The following ARHGDIG variants were observed in gnomAD, a reference collection of about 807,000 sequenced individuals.
The protein encoded by ARHGDIG is rho GDP-dissociation inhibitor 3.
ARHGDIG carries 14 observed loss-of-function variants against 20.2 expected under a neutral mutation model. That is an observed-to-expected ratio of 0.69 (90% confidence interval 0.46 to 1.08). The LOEUF (loss-of-function observed/expected upper bound fraction) is 1.08, where lower values mean the gene tolerates loss of function less well. Among genes scored for constraint, ARHGDIG ranks in the 50% least tolerant of loss-of-function variants. The probability of loss-of-function intolerance (pLI) is 0.00; values close to 1 mark genes in which losing one functional copy is unlikely to be tolerated. For missense variants in ARHGDIG, 311 were observed against 301.8 expected, an observed-to-expected ratio of 1.03 and a Z score of -0.23; for synonymous variants, 193 against 138.6, an observed-to-expected ratio of 1.39 and a Z score of -2.76.
intron 1 of ARHGDIG, 140 bp from the exon 2 acceptor site, chr16:281,606 C>T (rs1260860136): frequency 9.5e-6 from 10 of 1,050,332 alleles, no homozygotes; most frequent in Non-Finnish European, 1.3e-6. Context: ...TCTCTGCTCG[C>T]TCTCTCCCTG....
rs748524908 is a variant in ARHGDIG at position 281,785 on chromosome 16, A to G, written c.113A>G (p.Asp38Gly). Residue 38 changes from aspartate (D) to glycine (G), a missense_variant, in exon 2 of 6, where the codon GAC becomes GGC. Physicochemically the swap from Asp to Gly is moderately conservative, Grantham distance 94. Transcript: ENST00000219409. ...ADKEGGPPAVDEVLDEAVPEY... is the reference protein window; with the variant it reads ...ADKEGGPPAVGEVLDEAVPEY... Reference sequence around the variant, plus strand: ...AAGGAGGGTGGGCCGCCGGCAGTGGACGAGGTGTTGGATGAGGCTGTGCCC... The same window carrying G: ...AAGGAGGGTGGGCCGCCGGCAGTGGGCGAGGTGTTGGATGAGGCTGTGCCC... 6.2e-7 allele frequency: 1 copy of G among 1,609,340 alleles called. No individual in the cohort carries two copies. The highest frequency in any genetic ancestry group is 1.3e-5 in the African/African-American group (1 of 74,846).
In ARHGDIG at chr16:280,728, G is replaced by C. The variant is rs2052274537; in HGVS notation, c.48G>C (p.Leu16=). Residue 16 remains leucine (L), a synonymous_variant, in exon 1 of 6, where the codon CTG becomes CTC. Coordinates refer to ENST00000219409, the MANE Select transcript of ARHGDIG (RefSeq NM_001176.4). The surrounding 1 kb of genome is among the most constrained non-coding windows in gnomAD (Gnocchi z 6.6). The part of the protein sequence containing the change: ...ACELGAQLLE[L]LRLALCARVL... The stretch of plus-strand genomic sequence containing the variant: ...AGCTGGGGGCGCAGCTGCTGGAGCT[G>C]CTCCGGCTGGCGCTGTGCGCCCGAG... 1 of 1,296,100 alleles carries C rather than the reference G, an allele frequency of 7.7e-7. No homozygotes were observed. Among genetic ancestry groups the C allele is most frequent in the Non-Finnish European group, 9.8e-7 (1 of 1,017,796 alleles). The allele number at this position is 1,296,100 out of a possible 1,614,324, so 80.3% of individuals were successfully genotyped here. A position where few individuals can be genotyped will look rare whatever the true frequency, so the allele number is the denominator to read the frequency against.
chr16:282,201 C>G, intron 3 of ARHGDIG, 93 bp downstream of exon 3: 1 of 1,603,522 alleles, frequency 6.2e-7, no homozygotes, highest in Non-Finnish European at 8.5e-7. Context: ...CCATCACAGT[C>G]GCACACCTCA....
In ARHGDIG at chr16:282,954, C is replaced by G. The variant is rs1276710536; in HGVS notation, c.*140C>G. 7.0e-6 allele frequency: 6 copies of G among 860,466 alleles called. No individual in the cohort carries two copies. In the South Asian group the frequency reaches 1.1e-4, roughly 15 times the overall value. The allele number at this position is 860,466 out of a possible 1,614,324, so 53.3% of individuals were successfully genotyped here. ...TGCCCCTGCTCTGTCCCGGGACCCC[C>G]TGGCCTGGCGCTGTCCCCTGAGCTG... is the stretch of plus-strand genomic sequence containing the variant. On this transcript the variant is annotated 3_prime_UTR_variant, in exon 6 of 6. Coordinates refer to ENST00000219409, the MANE Select transcript of ARHGDIG (RefSeq NM_001176.4).
Position 280,764 on chromosome 16 carries a change from C to G in ARHGDIG, c.73+11C>G, listed in dbSNP as rs771050479. 2 of 1,270,136 alleles carry G rather than the reference C, an allele frequency of 1.6e-6. No homozygotes were observed. The highest frequency in any genetic ancestry group is 2.0e-6 in the Non-Finnish European group (2 of 1,007,494). 78.7% of individuals were successfully genotyped at this position (1,270,136 alleles called of 1,614,324 possible). ...CGCTGTGCGCCCGAGGTGAGCGGGC[C>G]GGGCAGGGGCGGGGGGCTCGGCTGG... On this transcript the variant is annotated intron_variant, in intron 1 of 5. Transcript: ENST00000219409. This position sits in a 1 kb window ranked among gnomAD's most constrained non-coding sequence, Gnocchi z 6.6.
At chr16:282,129 C>G in intron 3 of ARHGDIG, 21 bp downstream of exon 3, 1 of 1,612,592 alleles carries the variant, frequency 6.2e-7, no homozygotes, top group Non-Finnish European at 8.5e-7. Context: ...GGATGCTGCA[C>G]CCTGAACACA....
At chr16:282,164 C>G (rs1481190016) in intron 3 of ARHGDIG, 56 bp downstream of exon 3, 3 of 1,609,292 alleles carry the variant, frequency 1.9e-6, no homozygotes, top group Non-Finnish European at 2.5e-6. Context: ...AGGCACGCTT[C>G]TGCACCCCTG....
chr16:282,567 G>GGGAAGGGGGGGGGGGGGGA, intron 5 of ARHGDIG, 37 bp downstream of exon 5: 5 of 957,416 alleles, frequency 5.2e-6, no homozygotes, highest in Admixed American at 4.8e-5. Flanking sequence ...GCGGGGGGGG[G>GGGAAGGGGGGGGGGGGGGA]AAGCGGGGGC....
At position 280,968 on chromosome 16, in the gene ARHGDIG, G is replaced by T. The variant is rs1244732053; in HGVS notation, c.73+215G>T. On this transcript the variant is annotated intron_variant, in intron 1 of 5. Transcript: ENST00000219409. This position sits in a 1 kb window ranked among gnomAD's most constrained non-coding sequence, Gnocchi z 6.6. ...GGTCGGCTTGGGAAGCGGCGGCGCTGGGACCCTCTCCCCCTGGACACCGCC... is the reference window on the plus strand; with the variant it reads ...GGTCGGCTTGGGAAGCGGCGGCGCTTGGACCCTCTCCCCCTGGACACCGCC... 1 of 239,664 alleles carries T rather than the reference G, an allele frequency of 4.2e-6. No individual in the cohort carries two copies. Among genetic ancestry groups the T allele is most frequent in the Non-Finnish European group, 8.5e-6 (1 of 118,240 alleles). 14.8% of individuals were successfully genotyped at this position (239,664 alleles called of 1,614,324 possible).
chr16:281,641 C>G, intron 1 of ARHGDIG, 105 bp from the exon 2 acceptor site: 1 of 1,302,946 alleles, frequency 7.7e-7, no homozygotes, highest in Non-Finnish European at 1.0e-6. Flanking sequence ...TCCCTTGAGT[C>G]CCTTTGGATA....
chr16:282,567 G>GGAAGGGGGGGGGGGGGGGA, intron 5 of ARHGDIG, 37 bp downstream of exon 5: 1 of 957,428 alleles, frequency 1.0e-6, no homozygotes, highest in Non-Finnish European at 1.5e-6. Context: ...GCGGGGGGGG[G>GGAAGGGGGGGGGGGGGGGA]AAGCGGGGGC....
Position 282,053 on chromosome 16 carries a change from C to T in ARHGDIG, c.282C>T (p.Thr94=). 6.2e-7 allele frequency: 1 copy of T among 1,612,732 alleles called. No homozygotes were observed. The highest frequency in any genetic ancestry group is 2.2e-5 in the East Asian group (1 of 44,862). Residue 94 remains threonine (T), a synonymous_variant, in exon 3 of 6, where the codon ACC becomes ACT. Coordinates refer to ENST00000219409, the MANE Select transcript of ARHGDIG (RefSeq NM_001176.4). Reference sequence around the variant, plus strand: ...CAAGCCTGCCCAATGTGCAGGTGACCAGGCTGACACTCCTGTCGGAACAGG... The same window carrying T: ...CAAGCCTGCCCAATGTGCAGGTGACTAGGCTGACACTCCTGTCGGAACAGG... ...VDPSLPNVQV[T]RLTLLSEQAP...
rs1379855145 is a variant in ARHGDIG, at chr16:280,783, C to T, written c.73+30C>T. Reference sequence around the variant, plus strand: ...GCGGGCCGGGCAGGGGCGGGGGGCTCGGCTGGTCTCAGCCCCGGGCGGGGA... The same window carrying T: ...GCGGGCCGGGCAGGGGCGGGGGGCTTGGCTGGTCTCAGCCCCGGGCGGGGA... On this transcript the variant is annotated intron_variant, in intron 1 of 5. Coordinates refer to ENST00000219409, the MANE Select transcript of ARHGDIG (RefSeq NM_001176.4). This position sits in a 1 kb window ranked among gnomAD's most constrained non-coding sequence, Gnocchi z 6.6. 4.8e-6 allele frequency: 6 copies of T among 1,249,772 alleles called. No homozygotes were observed. The East Asian group carries it at 1.7e-4, about 36-fold the overall frequency. The allele number at this position is 1,249,772 out of a possible 1,614,324, so 77.4% of individuals were successfully genotyped here.
intron 1 of ARHGDIG, chr16:281,009 G>T: frequency 5.0e-6 from 1 of 201,266 alleles, no homozygotes. Flanking sequence ...GAGCCCCTCT[G>T]TCTTGGGTGG....
Position 280,774 on chromosome 16 carries a change from C to A in ARHGDIG, c.73+21C>A. On this transcript the variant is annotated intron_variant, in intron 1 of 5. Coordinates refer to ENST00000219409, the MANE Select transcript of ARHGDIG (RefSeq NM_001176.4). This position sits in a 1 kb window ranked among gnomAD's most constrained non-coding sequence, Gnocchi z 6.6. ...CCGAGGTGAGCGGGCCGGGCAGGGGCGGGGGGCTCGGCTGGTCTCAGCCCC... is the reference window on the plus strand; with the variant it reads ...CCGAGGTGAGCGGGCCGGGCAGGGGAGGGGGGCTCGGCTGGTCTCAGCCCC... 1 of 1,264,010 alleles carries A rather than the reference C, an allele frequency of 7.9e-7. No individual in the cohort carries two copies. The allele number at this position is 1,264,010 out of a possible 1,614,324, so 78.3% of individuals were successfully genotyped here.
Position 281,748 on chromosome 16 carries a change from C to A in ARHGDIG, c.76C>A (p.Leu26Ile), listed in dbSNP as rs772708545. ...CTCACGCCCCTCCCCACCCCCAGTC[C>A]TCCTGGCTGACAAGGAGGGTGGGCC... ...LLRLALCARV[L>I]LADKEGGPPA... Residue 26 changes from leucine to isoleucine, a missense_variant and splice_region_variant, in exon 2 of 6, where the codon CTC (leucine) becomes ATC (isoleucine). By Grantham distance (5) the Leu-to-Ile change is conservative. Transcript: ENST00000219409. 1.3e-6 allele frequency: 2 copies of A among 1,585,902 alleles called. No individual in the cohort carries two copies. The highest frequency in any genetic ancestry group is 8.6e-7 in the Non-Finnish European group (1 of 1,167,136).
chr16:282,078 G>GCTC lies in ARHGDIG; in HGVS notation c.309_311dup (p.Pro104dup). On this transcript the variant is annotated inframe_insertion, in exon 3 of 6. Coordinates refer to ENST00000219409, the MANE Select transcript of ARHGDIG (RefSeq NM_001176.4). ...CAGGCTGACACTCCTGTCGGAACAG[G>GCTC]CTCCGGGGCCCGTCGTCATGGATCT... The GCTC allele has an allele frequency of 6.2e-7, 1 of 1,612,880 alleles. No individual in the cohort carries two copies. Among genetic ancestry groups the GCTC allele is most frequent in the Non-Finnish European group, 8.5e-7 (1 of 1,179,944 alleles).
In ARHGDIG at chr16:280,617, GGGGCGGCGGCGGGGC is replaced by G. The variant is rs1223898000; in HGVS notation, c.-53_-39del. The stretch of plus-strand genomic sequence containing the variant: ...GTCGCGCCGGGGCTGAGCGCCGAGC[GGGGCGGCGGCGGGGC>G]GGGCGGCGGCTCCTCGGCGGCTCCG... On this transcript the variant is annotated 5_prime_UTR_variant, in exon 1 of 6. Coordinates refer to ENST00000219409, the MANE Select transcript of ARHGDIG (RefSeq NM_001176.4). The surrounding 1 kb of genome is among the most constrained non-coding windows in gnomAD (Gnocchi z 6.6). 225 of 787,928 alleles carry G rather than the reference GGGGCGGCGGCGGGGC, an allele frequency of 2.9e-4. No homozygotes were observed. The highest frequency in any genetic ancestry group is 3.1e-4 in the Non-Finnish European group (201 of 653,730). 48.8% of individuals were successfully genotyped at this position (787,928 alleles called of 1,614,324 possible).
In ARHGDIG at chr16:280,607, A is replaced by T; in HGVS notation, c.-74A>T. 4.1e-6 allele frequency: 3 copies of T among 723,468 alleles called. No individual in the cohort carries two copies. The highest frequency in any genetic ancestry group is 5.0e-6 in the Non-Finnish European group (3 of 594,782). 44.8% of individuals were successfully genotyped at this position (723,468 alleles called of 1,614,324 possible). A position where few individuals can be genotyped will look rare whatever the true frequency, so the allele number is the denominator to read the frequency against. On this transcript the variant is annotated 5_prime_UTR_variant, in exon 1 of 6. Transcript: ENST00000219409. The surrounding 1 kb of genome is among the most constrained non-coding windows in gnomAD (Gnocchi z 6.6). ...GCTCACCGCAGTCGCGCCGGGGCTG[A>T]GCGCCGAGCGGGGCGGCGGCGGGGC...
Sources: allele counts gnomAD v4.1 joint callset, GRCh38; gene constraint gnomAD v4.1.1; non-coding constraint Gnocchi (gnomAD v3.1); transcripts MANE v1.5; gene names NCBI Gene and HGNC (gene_info 2026-07-23, HGNC 2026-07-21).